Variants in ZNF84 observed in about 807,000 individuals in gnomAD.
ZNF84 encodes the protein zinc finger protein 84.
Under a neutral mutation model 14.8 loss-of-function variants are expected in ZNF84, and 12 were observed. The observed-to-expected ratio is 0.81, with a 90% CI of 0.52 to 1.31. ZNF84 has a LOEUF of 1.31. ZNF84 is among the 50% of genes most tolerant of loss of function. The pLI is 0.00. For synonymous variants in ZNF84, 347 were observed against 291.1 expected (o/e 1.19, Z -1.96); for missense variants, 859 against 878.6 (o/e 0.98, Z 0.28).
chr12:133,040,523 G>C (rs1343953717), intron 1 of ZNF84: 1 of 143,436 alleles, frequency 7.0e-6, no homozygotes, highest in Non-Finnish European at 1.5e-5. Flanking sequence ...AGTGAGCTCT[G>C]ATTGTGCCAC....
chr12:133,056,690 T>A (rs1043714927), intron 4 of ZNF84, among the ~76,000 whole-genome samples: 3 of 152,226 alleles, frequency 2.0e-5, no homozygotes, highest in African/African-American at 4.8e-5. Flanking sequence ...TTCTTTGCTT[T>A]TCATGTGTTT....
chr12:133,043,622 C>T (rs997006126), intron 2 of ZNF84, among the ~76,000 whole-genome samples: 6 of 152,270 alleles, frequency 3.9e-5, no homozygotes, highest in East Asian at 1.9e-4. Context: ...CTTTTTGTCC[C>T]AGACCTGCCG....
At chr12:133,039,144 G>A (rs1278771619) in intron 1 of ZNF84, 1 of 152,142 alleles carries the variant, frequency 6.6e-6, no homozygotes, top group Non-Finnish European at 1.5e-5. Context: ...TTTGTTCTAA[G>A]ATTTATGTAT....
chr12:133,058,607 A>C lies in ZNF84; in HGVS notation c.1892A>C (p.Glu631Ala). Residue 631 changes from glutamate to alanine, a missense_variant, in exon 5 of 5, where the codon GAA (glutamate) becomes GCA (alanine). Coordinates refer to ENST00000539354, the MANE Select transcript of ZNF84 (RefSeq NM_001289971.2). ...HTGEKPYECN[E>A]CRKAFREKSS... ...GGAGAAAAACCTTATGAATGCAATG[A>C]ATGTAGAAAAGCCTTCAGGGAGAAG... The C allele has an allele frequency of 1.9e-6, 3 of 1,614,186 alleles. No homozygotes were observed. Among genetic ancestry groups the C allele is most frequent in the Non-Finnish European group, 2.5e-6 (3 of 1,180,022 alleles).
At chr12:133,040,660 GA>G (rs1953871273) in intron 1 of ZNF84, 1 of 151,270 alleles carries the variant, frequency 6.6e-6, no homozygotes, top group Admixed American at 6.6e-5. Context: ...TTGGGGGTAT[GA>G]AGCGTTGTTA....
In ZNF84 at chr12:133,057,059, A is replaced by T; in HGVS notation, c.344A>T (p.Asn115Ile). Residue 115 changes from asparagine (N) to isoleucine (I), a missense_variant, in exon 5 of 5, where the codon AAT (asparagine) becomes ATT (isoleucine). Transcript: ENST00000539354. ...TGTGATGCATTTGGAAAAAATTTCAATCTGAACATGAACTTTGTTCCTTTA... is the reference window on the plus strand; with the variant it reads ...TGTGATGCATTTGGAAAAAATTTCATTCTGAACATGAACTTTGTTCCTTTA... ...HECDAFGKNF[N>I]LNMNFVPLRK... The T allele has an allele frequency of 1.2e-6, 2 of 1,613,298 alleles. No homozygotes were observed. Among genetic ancestry groups the T allele is most frequent in the Non-Finnish European group, 1.7e-6 (2 of 1,179,816 alleles).
At chr12:133,040,078 G>T (rs1953859697) in intron 1 of ZNF84, among the ~76,000 whole-genome samples, 1 of 152,056 alleles carries the variant, frequency 6.6e-6, no homozygotes, top group African/African-American at 2.4e-5. Context: ...CTGACCTCAG[G>T]TGATCCATCT....
At chr12:133,042,258 T>C (rs1460875349) in intron 2 of ZNF84, among the ~76,000 whole-genome samples, 4 of 152,198 alleles carry the variant, frequency 2.6e-5, no homozygotes, top group African/African-American at 9.7e-5. Context: ...AAAGAGAAGC[T>C]TTAAGTGAAC....
Position 133,057,195 on chromosome 12 carries a change from G to A in ZNF84, c.480G>A (p.Val160=). ...YGKAESDDFN[V]FDNFFLHSKP... ...AAGCAGAATCAGATGACTTTAATGT[G>A]TTTGATAATTTTTTTCTCCATTCCA... is the stretch of plus-strand genomic sequence containing the variant. The change falls in exon 5 of 5, where the codon GTG becomes GTA. Residue 160 remains valine, a synonymous_variant. Transcript: ENST00000539354. 6.2e-7 allele frequency: 1 copy of A among 1,612,738 alleles called. No homozygotes were observed. Among genetic ancestry groups the A allele is most frequent in the Non-Finnish European group, 8.5e-7 (1 of 1,179,722 alleles).
intron 4 of ZNF84, 136 bp downstream of exon 4, chr12:133,048,984 T>C: frequency 1.6e-6 from 1 of 634,970 alleles, no homozygotes; most frequent in South Asian, 2.0e-5. Context: ...GGCTGGTCAT[T>C]GATGGGTTGG....
intron 4 of ZNF84, among the ~76,000 whole-genome samples, chr12:133,053,725 A>G (rs900782108): frequency 6.6e-6 from 1 of 152,152 alleles, no homozygotes; most frequent in Non-Finnish European, 1.5e-5. Context: ...CCTGAGTGAC[A>G]GGGCAATACC....
At chr12:133,046,642 T>A (rs1953983928) in intron 2 of ZNF84, among the ~76,000 whole-genome samples, 2 of 150,776 alleles carry the variant, frequency 1.3e-5, no homozygotes, top group Non-Finnish European at 3.0e-5. Flanking sequence ...TATTTTATTA[T>A]TTTCCTTCTT....
chr12:133,056,946 C>G lies in ZNF84; in HGVS notation c.239-8C>G. The stretch of plus-strand genomic sequence containing the variant: ...CAACCAAACAGATTGTTTTTGTTTC[C>G]TTTATAGAAGTCTGGAAAGTAGATG... On this transcript the variant is annotated splice_region_variant and splice_polypyrimidine_tract_variant and intron_variant, in intron 4 of 4. Transcript: ENST00000539354. 1 of 1,542,976 alleles carries G rather than the reference C, an allele frequency of 6.5e-7. No individual in the cohort carries two copies. The highest frequency in any genetic ancestry group is 2.2e-5 in the Admixed American group (1 of 44,818).
At chr12:133,052,855 A>T (rs1294284331) in intron 4 of ZNF84, among the ~76,000 whole-genome samples, 3 of 152,222 alleles carry the variant, frequency 2.0e-5, no homozygotes, top group African/African-American at 7.2e-5. Flanking sequence ...GCATGGGGAA[A>T]AGTGTCTCCA....
intron 4 of ZNF84, among the ~76,000 whole-genome samples, chr12:133,052,819 T>C (rs1426273779): frequency 2.0e-5 from 3 of 152,170 alleles, no homozygotes; most frequent in African/African-American, 7.2e-5. Flanking sequence ...GGAAAACTAA[T>C]TGTAGACATG....
At chr12:133,047,900 T>A in intron 2 of ZNF84, 55 bp from the exon 3 acceptor site, 1 of 1,586,436 alleles carries the variant, frequency 6.3e-7, no homozygotes, top group Non-Finnish European at 8.6e-7. Context: ...AATATTTTTT[T>A]CTCACATCAT....
At chr12:133,049,377 T>G (rs1028328905) in intron 4 of ZNF84, among the ~76,000 whole-genome samples, 7 of 152,178 alleles carry the variant, frequency 4.6e-5, no homozygotes, top group African/African-American at 1.4e-4. Flanking sequence ...AATGGAGCCG[T>G]CATTTCTCCC....
Position 133,060,071 on chromosome 12 carries a change from T to G in ZNF84, c.*1139T>G, listed in dbSNP as rs1954232766. The G allele has an allele frequency of 6.6e-6, 1 of 152,208 alleles. No individual in the cohort carries two copies. Among genetic ancestry groups the G allele is most frequent in the African/African-American group, 2.4e-5 (1 of 41,460 alleles). The allele number at this position is 152,208 out of a possible 1,614,324, so 9.4% of individuals were successfully genotyped here. On this transcript the variant is annotated 3_prime_UTR_variant, in exon 5 of 5. Coordinates refer to ENST00000539354, the MANE Select transcript of ZNF84 (RefSeq NM_001289971.2). ...AACACCCAAACTAAATGAAATAAAG[T>G]AGTGCTGTATTAAATCTTTTTCTCA... is the stretch of plus-strand genomic sequence containing the variant.
chr12:133,057,295 A>G lies in ZNF84; in HGVS notation c.580A>G (p.Ile194Val), dbSNP rs1415548570. Residue 194 changes from isoleucine to valine, a missense_variant, in exon 5 of 5, where the codon ATT (isoleucine) becomes GTT (valine). Coordinates refer to ENST00000539354, the MANE Select transcript of ZNF84 (RefSeq NM_001289971.2). The stretch of plus-strand genomic sequence containing the variant: ...TAAAGAGAGCTATAAAAAGTCACAG[A>G]TTATCATATATCATAGAAATCGTTT... ...KYKESYKKSQ[I>V]IIYHRNRLGE... The G allele has an allele frequency of 2.7e-5, 44 of 1,613,322 alleles. 1 individual carries two copies. In the Admixed American group the frequency reaches 5.3e-4, roughly 20 times the overall value.
Sources: allele counts gnomAD v4.1 joint callset (sites outside exome capture counted in the v4.1 genomes callset), GRCh38; gene constraint gnomAD v4.1.1; transcripts MANE v1.5; gene names NCBI Gene and HGNC (gene_info 2026-07-23, HGNC 2026-07-21).